USP34: variants seen among roughly 807,000 people sequenced by gnomAD.
The protein encoded by USP34 is ubiquitin specific peptidase 34.
A neutral mutation model predicts 460.3 loss-of-function variants in USP34; 70 were observed. The ratio of observed to expected loss-of-function variants is 0.15; its 90% CI spans 0.13 to 0.19. The LOEUF (loss-of-function observed/expected upper bound fraction) is 0.19. Ranked by LOEUF, USP34 falls within the 10% of genes least tolerant of loss-of-function variation. The pLI is 1.00. For synonymous variants in USP34, 1,647 were observed against 1,405.3 expected, an observed-to-expected ratio of 1.17 and a Z score of -3.85; for missense variants, 3,985 against 4,236.2, an observed-to-expected ratio of 0.94 and a Z score of 1.65.
chr2:61,216,719 G>C (rs1687407094), intron 67 of USP34, among the ~76,000 whole-genome samples: 1 of 152,014 alleles, frequency 6.6e-6, no homozygotes. Context: ...AGGAGTTCAA[G>C]ACCAGCCTGG....
At chr2:61,465,829 T>G (rs1490574078) in intron 1 of USP34, among the ~76,000 whole-genome samples, 1 of 151,444 alleles carries the variant, frequency 6.6e-6, no homozygotes, top group African/African-American at 2.4e-5. Context: ...TACAAAAAAT[T>G]AGCCGGGCGT....
intron 41 of USP34, among the ~76,000 whole-genome samples, chr2:61,270,053 C>T (rs78359691): frequency 6.6e-6 from 1 of 152,234 alleles, no homozygotes; most frequent in Non-Finnish European, 1.5e-5. Flanking sequence ...AATCTCTCTT[C>T]ATCCCATCCC....
Position 61,380,295 on chromosome 2 carries a change from C to T in USP34, c.888G>A (p.Met296Ile), listed in dbSNP as rs1218375750. Residue 296 changes from methionine (M) to isoleucine (I), a missense_variant, in exon 7 of 80, where the codon ATG becomes ATA. Transcript: ENST00000398571. ...QSAARNMADL[M>I]WSTVKEPLDT... ...CCAATGGTTCTTTGACTGTGCTCCA[C>T]ATTAAGTCAGCCATGTTACGAGCTG... 1 of 1,614,130 alleles carries T rather than the reference C, an allele frequency of 6.2e-7. No homozygotes were observed. Among genetic ancestry groups the T allele is most frequent in the South Asian group, 1.1e-5 (1 of 91,072 alleles).
At chr2:61,222,404 G>C (rs182581486) in intron 65 of USP34, among the ~76,000 whole-genome samples, 2,252 of 152,198 alleles carry the variant, frequency 0.015, 32 homozygotes, top group Middle Eastern at 0.024. Context: ...GATACAATGA[G>C]TCTATACACA....
At chr2:61,325,492 C>T (rs1392382194) in intron 20 of USP34, 35 bp from the exon 21 acceptor site, 1 of 1,345,756 alleles carries the variant, frequency 7.4e-7, no homozygotes, top group Non-Finnish European at 9.9e-7. Context: ...AATTAAATAT[C>T]CTATTTCTTA....
rs1332369971 is a variant in USP34, at chr2:61,214,529, G to C, written c.8213C>G (p.Ala2738Gly). 10 of 1,613,442 alleles carry C rather than the reference G, an allele frequency of 6.2e-6. No homozygotes were observed. Among genetic ancestry groups the C allele is most frequent in the Non-Finnish European group, 8.5e-6 (10 of 1,179,820 alleles). ...YNVLLGLLSR[A>G]KLYVDAAVHG... Reference sequence around the variant, plus strand: ...AACAGCAGCATCAACATAAAGTTTGGCTCTTGAGAGCAAACCAAGGAGCAC... The same window carrying C: ...AACAGCAGCATCAACATAAAGTTTGCCTCTTGAGAGCAAACCAAGGAGCAC... The change falls in exon 68 of 80, where the codon GCC (alanine) becomes GGC (glycine). Residue 2738 changes from alanine (A) to glycine (G), a missense_variant. This residue lies in a region of USP34 where 604 missense variants were observed against 684.8 expected (regional missense o/e 0.88). Coordinates refer to ENST00000398571, the MANE Select transcript of USP34 (RefSeq NM_014709.4).
At position 61,250,383 on chromosome 2, in the gene USP34, G is replaced by A. The variant is rs565019895; in HGVS notation, c.6222-1700C>T. ...TCATAAGGGCTTGCTGTACATTAAC[G>A]CATATACTTTTTACAACAATCCTAT... On this transcript the variant is annotated intron_variant, in intron 48 of 79. Coordinates refer to ENST00000398571, the MANE Select transcript of USP34 (RefSeq NM_014709.4). 8.7e-5 allele frequency: 14 copies of A among 161,668 alleles called. No homozygotes were observed. In the Middle Eastern group the frequency reaches 1.8e-3, roughly 21 times the overall value. The allele number at this position is 161,668 out of a possible 1,614,324, so 10.0% of individuals were successfully genotyped here. A position where few individuals can be genotyped will look rare whatever the true frequency, so the allele number is the denominator to read the frequency against.
At chr2:61,243,332 A>G (rs1688326238) in intron 51 of USP34, among the ~76,000 whole-genome samples, 1 of 151,896 alleles carries the variant, frequency 6.6e-6, no homozygotes, top group Non-Finnish European at 1.5e-5. Flanking sequence ...TTTTTAGTGG[A>G]GGTGGGGTTT....
Position 61,348,178 on chromosome 2 carries a change from T to G in USP34, c.1977A>C (p.Gln659His), listed in dbSNP as rs1219664384. 4 of 1,614,118 alleles carry G rather than the reference T, an allele frequency of 2.5e-6. No homozygotes were observed. Among genetic ancestry groups the G allele is most frequent in the Non-Finnish European group, 2.5e-6 (3 of 1,180,036 alleles). ...SQAGICLGDSQGMSERNGTSS... is the reference protein window; with the variant it reads ...SQAGICLGDSHGMSERNGTSS... ...TTGTCCCATTTCTTTCTGACATGCC[T>G]TGGGAGTCCCCCAGGCAAATGCCTG... The change falls in exon 15 of 80, where the codon CAA (glutamine) becomes CAC (histidine). Residue 659 changes from glutamine (Q) to histidine (H), a missense_variant. This residue lies in a region of USP34 where 716 missense variants were observed against 626.2 expected (regional missense o/e 1.14). Coordinates refer to ENST00000398571, the MANE Select transcript of USP34 (RefSeq NM_014709.4).
At chr2:61,245,318 T>A in intron 50 of USP34, 30 bp from the exon 51 acceptor site, 1 of 1,347,880 alleles carries the variant, frequency 7.4e-7, no homozygotes, top group Non-Finnish European at 1.0e-6. Context: ...ATTAATCTAG[T>A]ATGCATATAA....
At chr2:61,215,768 CT>C (rs1286231242) in intron 67 of USP34, among the ~76,000 whole-genome samples, 1 of 152,182 alleles carries the variant, frequency 6.6e-6, no homozygotes, top group East Asian at 1.9e-4. Context: ...AATTGTGAGC[CT>C]TTACCAAATG....
intron 21 of USP34, among the ~76,000 whole-genome samples, chr2:61,324,016 G>C (rs543762913): frequency 6.6e-6 from 1 of 152,280 alleles, no homozygotes. Flanking sequence ...CTCAAGCATA[G>C]GTATGGACTT....
In USP34 at chr2:61,188,656, G is replaced by GCTC; in HGVS notation, c.10084_10086dup (p.Glu3362dup). 1 of 1,614,164 alleles carries GCTC rather than the reference G, an allele frequency of 6.2e-7. No individual in the cohort carries two copies. The highest frequency in any genetic ancestry group is 1.6e-4 in the Middle Eastern group (1 of 6,062). On this transcript the variant is annotated inframe_insertion, in exon 80 of 80. Transcript: ENST00000398571. ...TCACTGATGCAGCTGTCTACAGTGT[G>GCTC]CTCCTCATCACTGCTAACACGCCGC...
intron 1 of USP34, among the ~76,000 whole-genome samples, chr2:61,459,965 G>C (rs958045442): frequency 2.0e-5 from 3 of 152,154 alleles, no homozygotes; most frequent in African/African-American, 7.2e-5. Context: ...GGGTGGCTGA[G>C]GGAGGAGAAT....
At chr2:61,189,203 C>G in intron 78 of USP34, 134 bp from the exon 79 acceptor site, 3 of 910,240 alleles carry the variant, frequency 3.3e-6, no homozygotes, top group Non-Finnish European at 4.8e-6. Flanking sequence ...CTCTGGGATT[C>G]TTAGAATGAT....
chr2:61,319,109 G>A lies in USP34; in HGVS notation c.3168+64C>T, dbSNP rs918072899. ...AAAAAAAAAAGGCATTACAGAATTC[G>A]TATTTCAAGAGATGAAAAAGGGAAC... On this transcript the variant is annotated intron_variant, in intron 22 of 79. Transcript: ENST00000398571. The A allele has an allele frequency of 4.9e-6, 7 of 1,429,380 alleles. No individual in the cohort carries two copies. The Admixed American group carries it at 8.3e-5, about 17-fold the overall frequency. 88.5% of individuals were successfully genotyped at this position (1,429,380 alleles called of 1,614,324 possible).
intron 58 of USP34, among the ~76,000 whole-genome samples, chr2:61,232,199 A>C (rs1687926304): frequency 6.6e-6 from 1 of 152,186 alleles, no homozygotes; most frequent in African/African-American, 2.4e-5. Flanking sequence ...TCTAATAATA[A>C]AAGAACAGGA....
intron 70 of USP34, chr2:61,207,267 A>C (rs1687145996): frequency 6.3e-6 from 1 of 157,846 alleles, no homozygotes. Context: ...ACAATGGTAA[A>C]GTGACTGTCA....
At chr2:61,230,650 C>T (rs1353552561) in intron 58 of USP34, among the ~76,000 whole-genome samples, 2 of 151,998 alleles carry the variant, frequency 1.3e-5, no homozygotes, top group African/African-American at 4.8e-5. Context: ...TGAGACCAGC[C>T]TGGCCAAAAT....
Sources: allele counts gnomAD v4.1 joint callset (sites outside exome capture counted in the v4.1 genomes callset), GRCh38; gene constraint gnomAD v4.1.1; regional missense constraint gnomAD v4.1.1; transcripts MANE v1.5; gene names NCBI Gene and HGNC (gene_info 2026-07-23, HGNC 2026-07-21).